Variants in PRKN observed in about 807,000 individuals in gnomAD.
PRKN encodes parkin RBR E3 ubiquitin protein ligase.
In PRKN, 56 loss-of-function variants were observed where a neutral mutation model predicts 59.5. The ratio of observed to expected loss-of-function variants is 0.94; its 90% confidence interval spans 0.76 to 1.18. The LOEUF (loss-of-function observed/expected upper bound fraction) is 1.18, where lower values mean the gene tolerates loss of function less well. Among genes scored for constraint, PRKN ranks in the 50% most tolerant of loss-of-function variants. The pLI is 0.00. For synonymous variants in PRKN, 250 were observed against 222.1 expected (o/e 1.13, Z -1.12); for missense variants, 657 against 596.4 (o/e 1.10, Z -1.06).
intron 6 of PRKN, among the ~76,000 whole-genome samples, chr6:161,786,126 A>G (rs909539188): frequency 6.6e-6 from 1 of 152,204 alleles, no homozygotes; most frequent in African/African-American, 2.4e-5. Context: ...CTAATTTTAC[A>G]TTTTTTATGT....
intron 7 of PRKN, among the ~76,000 whole-genome samples, chr6:161,691,547 G>C (rs897121798): frequency 2.0e-5 from 3 of 152,212 alleles, no homozygotes; most frequent in Non-Finnish European, 4.4e-5. Flanking sequence ...TCTGGAGCCT[G>C]TCTAGGTTAT....
rs1254432172 is a variant in PRKN at position 161,592,919 on chromosome 6, C to T, written c.872-23503G>A. Among the ~76,000 whole-genome samples the T allele has an allele frequency of 2.0e-5, 3 of 152,138 alleles. No homozygotes were observed. The highest frequency in any genetic ancestry group is 4.8e-5 in the African/African-American group (2 of 41,432). The stretch of plus-strand genomic sequence containing the variant: ...GGTCTCAAGGGTTGAAGTTTAATTC[C>T]GAGAGTAGGGAGAAGGCACTGGAGG... On this transcript the variant is annotated intron_variant, in intron 7 of 11. Coordinates refer to ENST00000366898, the MANE Select transcript of PRKN (RefSeq NM_004562.3). The surrounding 1 kb of genome is among the most constrained non-coding windows in gnomAD (Gnocchi z 4.8).
At chr6:161,626,280 T>C (rs1783085457) in intron 7 of PRKN, among the ~76,000 whole-genome samples, 1 of 152,146 alleles carries the variant, frequency 6.6e-6, no homozygotes, top group Non-Finnish European at 1.5e-5. Flanking sequence ...CTTTTTACTC[T>C]CTACTACACT....
chr6:162,531,557 T>TAG (rs754757430), intron 1 of PRKN, among the ~76,000 whole-genome samples: 11 of 152,148 alleles, frequency 7.2e-5, no homozygotes, highest in Non-Finnish European at 1.5e-4. Flanking sequence ...ATTCAGTCAG[T>TAG]TCCTAGGTGG....
chr6:162,611,302 T>C (rs1782136377), intron 1 of PRKN, among the ~76,000 whole-genome samples: 1 of 152,186 alleles, frequency 6.6e-6, no homozygotes, highest in Non-Finnish European at 1.5e-5. Context: ...AATATTTGGA[T>C]GATAGAATAA....
At chr6:162,699,480 TC>T (rs753955615) in intron 1 of PRKN, among the ~76,000 whole-genome samples, 2 of 152,136 alleles carry the variant, frequency 1.3e-5, no homozygotes, top group Non-Finnish European at 2.9e-5. Context: ...CATATACAGT[TC>T]ACTGGAAATC....
rs192713345 is a variant in PRKN at position 162,035,129 on chromosome 6, A to G, written c.618+18962T>C. On this transcript the variant is annotated intron_variant, in intron 5 of 11. Coordinates refer to ENST00000366898, the MANE Select transcript of PRKN (RefSeq NM_004562.3). ...ATGGCAGGAAGAGAAAGACAGACAG[A>G]GAGAAAGAGAGGAAAGGGGCCCAGG... Among the ~76,000 whole-genome samples, 60 of 149,946 alleles carry G rather than the reference A, an allele frequency of 4.0e-4. 1 individual carries two copies. In the East Asian group the frequency reaches 0.011, roughly 27 times the overall value.
At position 162,369,732 on chromosome 6, in the gene PRKN, C is replaced by T. The variant is rs532017464; in HGVS notation, c.171+73578G>A. On this transcript the variant is annotated intron_variant, in intron 2 of 11. Coordinates refer to ENST00000366898, the MANE Select transcript of PRKN (RefSeq NM_004562.3). ...AGCATCCACGGATAGGAACCAACAA[C>T]AGGGTAGCTGATGATGTTTAGGTGA... Among the ~76,000 whole-genome samples, 24 of 152,256 alleles carry T rather than the reference C, an allele frequency of 1.6e-4. No individual in the cohort carries two copies. In the East Asian group the frequency reaches 3.3e-3, roughly 21 times the overall value.
chr6:162,524,232 T>C (rs1778191165), intron 1 of PRKN, among the ~76,000 whole-genome samples: 1 of 152,202 alleles, frequency 6.6e-6, no homozygotes, highest in Non-Finnish European at 1.5e-5. Context: ...ATCAACATAT[T>C]TTATGCTACA....
intron 2 of PRKN, among the ~76,000 whole-genome samples, chr6:162,288,433 C>T (rs770929535): frequency 3.3e-5 from 5 of 152,054 alleles, no homozygotes; most frequent in Non-Finnish European, 5.9e-5. Context: ...AGTCTGTAAT[C>T]GGCTGGCTTG....
intron 1 of PRKN, among the ~76,000 whole-genome samples, chr6:162,726,408 A>T (rs1461980918): frequency 6.6e-6 from 1 of 152,210 alleles, no homozygotes; most frequent in Non-Finnish European, 1.5e-5. Flanking sequence ...TCACCTAAAA[A>T]GAGCTCAAGA....
Position 161,426,676 on chromosome 6 carries a change from C to CACACACACACACAAT in PRKN, c.1084-39800_1084-39799insATTGTGTGTGTGTGT, listed in dbSNP as rs11271613. Among the ~76,000 whole-genome samples the CACACACACACACAAT allele has an allele frequency of 2.8e-5, 4 of 142,790 alleles. 1 individual carries two copies. Among genetic ancestry groups the CACACACACACACAAT allele is most frequent in the South Asian group, 2.2e-4 (1 of 4,484 alleles). 93.7% of individuals were successfully genotyped at this position (142,790 alleles called of 152,430 possible). A position where few individuals can be genotyped will look rare whatever the true frequency, so the allele number is the denominator to read the frequency against. On this transcript the variant is annotated intron_variant, in intron 9 of 11. Transcript: ENST00000366898. ...ACACACACACACACACACACACACA[C>CACACACACACACAAT]CTCCTATTAGTTCTGTCCCTCTGGA...
At chr6:162,112,054 T>G (rs1302790636) in intron 4 of PRKN, among the ~76,000 whole-genome samples, 1 of 152,238 alleles carries the variant, frequency 6.6e-6, no homozygotes, top group Non-Finnish European at 1.5e-5. Context: ...TTAAGCCAAA[T>G]TGTTTATCTC....
intron 2 of PRKN, among the ~76,000 whole-genome samples, chr6:162,375,758 C>A (rs1294543868): frequency 6.6e-6 from 1 of 151,764 alleles, no homozygotes; most frequent in Non-Finnish European, 1.5e-5. Flanking sequence ...CACACACACA[C>A]ACACACAAAC....
At chr6:162,512,170 C>G (rs1315619360) in intron 1 of PRKN, among the ~76,000 whole-genome samples, 1 of 152,162 alleles carries the variant, frequency 6.6e-6, no homozygotes, top group East Asian at 1.9e-4. Context: ...TTACTATCAT[C>G]ACTTTCCTTA....
intron 2 of PRKN, among the ~76,000 whole-genome samples, chr6:162,393,276 C>T (rs1191331932): frequency 6.7e-6 from 1 of 149,714 alleles, no homozygotes; most frequent in Non-Finnish European, 1.5e-5. Flanking sequence ...TCTCCTTTCT[C>T]AGTCCCCTGA....
At chr6:162,160,815 C>T (rs1402708264) in intron 4 of PRKN, among the ~76,000 whole-genome samples, 2 of 146,182 alleles carry the variant, frequency 1.4e-5, no homozygotes, top group East Asian at 2.0e-4. Flanking sequence ...GGCGTGAACC[C>T]GGGAGGTGGA....
chr6:161,739,514 G>A (rs538158428), intron 7 of PRKN, among the ~76,000 whole-genome samples: 4 of 152,276 alleles, frequency 2.6e-5, no homozygotes, highest in African/African-American at 7.2e-5. Context: ...CTGAAGAGGT[G>A]TAATAGCTAT....
At chr6:162,377,680 C>A (rs1786191585) in intron 2 of PRKN, among the ~76,000 whole-genome samples, 1 of 152,288 alleles carries the variant, frequency 6.6e-6, no homozygotes, top group African/African-American at 2.4e-5. Flanking sequence ...ACAGAAGGGG[C>A]TGCCAGCACT....
Sources: gnomAD v4.1 joint callset for allele counts (sites outside exome capture counted in the v4.1 genomes callset) on GRCh38, gnomAD v4.1.1 for gene constraint, Gnocchi (gnomAD v3.1) non-coding constraint, MANE v1.5 for transcripts, NCBI Gene and HGNC (gene_info 2026-07-23, HGNC 2026-07-21) for gene names.